Variants in ELAVL2 observed in about 807,000 individuals in gnomAD.
The protein encoded by ELAVL2 is ELAV-like protein 2.
A neutral mutation model predicts 34.6 loss-of-function variants in ELAVL2; 4 were observed. The observed-to-expected ratio is 0.12, with a 90% CI of 0.06 to 0.26. ELAVL2 has a LOEUF of 0.26. Ranked by LOEUF, ELAVL2 falls within the 10% of genes least tolerant of loss-of-function variation. The pLI, the probability that ELAVL2 is intolerant of heterozygous loss-of-function variation, is 1.00. For missense variants in ELAVL2, 432 were observed against 442.8 expected, an observed-to-expected ratio of 0.98 and a Z score of 0.22; for synonymous variants, 193 against 154.8, an observed-to-expected ratio of 1.25 and a Z score of -1.83.
chr9:23,694,597 A>C (rs922008371), intron 5 of ELAVL2, among the ~76,000 whole-genome samples: 3 of 152,224 alleles, frequency 2.0e-5, no homozygotes, highest in African/African-American at 7.2e-5. Context: ...AAGTTTGAAA[A>C]GTCTCAGCCT....
intron 2 of ELAVL2, among the ~76,000 whole-genome samples, chr9:23,732,795 T>C (rs2046907510): frequency 6.6e-6 from 1 of 152,136 alleles, no homozygotes; most frequent in South Asian, 2.1e-4. Flanking sequence ...GAACCACAGC[T>C]TCCTTCTCTC....
chr9:23,722,480 G>T (rs765241060), intron 3 of ELAVL2, among the ~76,000 whole-genome samples: 13 of 152,188 alleles, frequency 8.5e-5, no homozygotes, highest in Non-Finnish European at 1.6e-4. Context: ...CAAGAGGGCA[G>T]AGTTCTTCAC....
At chr9:23,831,129 A>T (rs2065488339), upstream of ELAVL2, among the ~76,000 whole-genome samples, 1 of 152,226 alleles carries the variant, frequency 6.6e-6, no homozygotes, top group African/African-American at 2.4e-5. Context: ...GGGACCTGGG[A>T]AGAAACGGTT....
chr9:23,703,884 T>C (rs1229421350), intron 4 of ELAVL2, among the ~76,000 whole-genome samples: 1 of 152,174 alleles, frequency 6.6e-6, no homozygotes, highest in Non-Finnish European at 1.5e-5. Context: ...GTTTCTCTAT[T>C]TTTTAACTGT....
At chr9:23,804,197 G>A (rs763238408) in intron 1 of ELAVL2, among the ~76,000 whole-genome samples, 2 of 148,920 alleles carry the variant, frequency 1.3e-5, no homozygotes, top group Non-Finnish European at 3.0e-5. Context: ...TTTTTGAGAC[G>A]GCGTCTCGCT....
At chr9:23,846,811 C>G in the ELAVL2 span, among the ~76,000 whole-genome samples, 1 of 152,032 alleles carries the variant, frequency 6.6e-6, no homozygotes, top group African/African-American at 2.4e-5. Context: ...GACAGGCAAT[C>G]CCTACCCTCA....
intron 1 of ELAVL2, among the ~76,000 whole-genome samples, chr9:23,811,244 G>C (rs1416873499): frequency 6.6e-6 from 1 of 151,476 alleles, no homozygotes; most frequent in East Asian, 1.9e-4. Context: ...ATTATTCCCC[G>C]AACAGCCAGT....
chr9:23,799,195 C>A (rs1219355913), intron 1 of ELAVL2, among the ~76,000 whole-genome samples: 2 of 152,166 alleles, frequency 1.3e-5, no homozygotes, highest in Admixed American at 1.3e-4. Context: ...AAACTACCTA[C>A]CAAAAAACCC....
intron 2 of ELAVL2, 28 bp from the exon 3 acceptor site, chr9:23,731,153 T>C (rs1330857240): frequency 1.9e-6 from 3 of 1,599,834 alleles, no homozygotes; most frequent in Non-Finnish European, 2.6e-6. Context: ...GAAAAAGGCA[T>C]ATATTAGTTC....
chr9:23,848,888 G>A, the ELAVL2 span, among the ~76,000 whole-genome samples: 2 of 152,092 alleles, frequency 1.3e-5, no homozygotes, highest in African/African-American at 2.4e-5. Context: ...TCAGAAAATG[G>A]GCAGGTCCAT....
At chr9:23,697,236 T>C (rs1269437407) in intron 5 of ELAVL2, among the ~76,000 whole-genome samples, 2 of 152,164 alleles carry the variant, frequency 1.3e-5, no homozygotes, top group East Asian at 1.9e-4. Context: ...GAGTAAAGAA[T>C]GGTACCAGTA....
At chr9:23,763,840 C>T (rs1384898366) in intron 1 of ELAVL2, among the ~76,000 whole-genome samples, 1 of 152,136 alleles carries the variant, frequency 6.6e-6, no homozygotes, top group Non-Finnish European at 1.5e-5. Context: ...TCTGTGACTT[C>T]ATTTCCTTGT....
At chr9:23,801,065 G>A (rs1009497376) in intron 1 of ELAVL2, among the ~76,000 whole-genome samples, 4 of 152,086 alleles carry the variant, frequency 2.6e-5, no homozygotes, top group Non-Finnish European at 4.4e-5. Context: ...ACTGTCCTTC[G>A]TCTTCCATTT....
At chr9:23,810,611 C>A (rs1588719099) in intron 1 of ELAVL2, among the ~76,000 whole-genome samples, 1 of 152,090 alleles carries the variant, frequency 6.6e-6, no homozygotes, top group East Asian at 1.9e-4. Context: ...CCACCTTAAA[C>A]TACAGCCAGC....
In ELAVL2 at chr9:23,764,974, A is replaced by G. The variant is rs765097017; in HGVS notation, c.-15-2725T>C. The stretch of plus-strand genomic sequence containing the variant: ...GCACTCCTCCAACATGCTAAAAAAA[A>G]GTAGCCTACAGAATTTAAGAAAAAT... On this transcript the variant is annotated intron_variant, in intron 1 of 6. Transcript: ENST00000397312. 9.4e-6 allele frequency: 15 copies of G among 1,599,406 alleles called. No individual in the cohort carries two copies. In the South Asian group the frequency reaches 1.0e-4, roughly 11 times the overall value.
chr9:23,742,381 C>G (rs1235550575), intron 2 of ELAVL2, among the ~76,000 whole-genome samples: 1 of 152,150 alleles, frequency 6.6e-6, no homozygotes, highest in Non-Finnish European at 1.5e-5. Flanking sequence ...TTATTTTTAA[C>G]TGAGTAGCAA....
the ELAVL2 span, among the ~76,000 whole-genome samples, chr9:23,849,180 C>T: frequency 2.6e-5 from 4 of 151,984 alleles, no homozygotes; most frequent in African/African-American, 9.7e-5. Context: ...TATTTAAAAA[C>T]AAAAGGGATT....
At chr9:23,733,909 A>G (rs771651790) in intron 2 of ELAVL2, among the ~76,000 whole-genome samples, 31 of 152,308 alleles carry the variant, frequency 2.0e-4, no homozygotes, top group Non-Finnish European at 3.2e-4. Flanking sequence ...ATGACTAGCT[A>G]TATGAGTCAG....
chr9:23,791,523 ACT>A (rs1402575042), intron 1 of ELAVL2, among the ~76,000 whole-genome samples: 5 of 152,204 alleles, frequency 3.3e-5, no homozygotes, highest in African/African-American at 4.8e-5. Flanking sequence ...CTACACAACC[ACT>A]CTGTTTTTCA....
Sources: gnomAD v4.1 joint callset for allele counts (sites outside exome capture counted in the v4.1 genomes callset) on GRCh38, gnomAD v4.1.1 for gene constraint, MANE v1.5 for transcripts, NCBI Gene and HGNC (gene_info 2026-07-23, HGNC 2026-07-21) for gene names.